The following PARPBP variants were observed in gnomAD, a reference collection of about 807,000 sequenced individuals.
PARPBP encodes the protein PCNA-interacting partner.
A neutral mutation model predicts 50.0 loss-of-function variants in PARPBP; 52 were observed. That is an observed-to-expected ratio of 1.04 (90% CI 0.83 to 1.31). The LOEUF is 1.31. PARPBP is among the 50% of genes most tolerant of loss of function. The probability of loss-of-function intolerance (pLI) is 0.00; values close to 1 mark genes in which losing one functional copy is unlikely to be tolerated. For missense variants in PARPBP, 697 were observed against 672.0 expected (o/e 1.04, Z -0.41); for synonymous variants, 244 against 232.1 (o/e 1.05, Z -0.47).
At chr12:102,131,227 A>C (rs1882804950) in intron 2 of PARPBP, among the ~76,000 whole-genome samples, 2 of 152,186 alleles carry the variant, frequency 1.3e-5, no homozygotes, top group African/African-American at 4.8e-5. Flanking sequence ...TGGGAGGCTG[A>C]GGCATTAGAA....
intron 6 of PARPBP, among the ~76,000 whole-genome samples, chr12:102,171,278 A>C (rs533808838): frequency 1.3e-5 from 2 of 152,216 alleles, no homozygotes; most frequent in East Asian, 3.9e-4. Context: ...AATTATGTGC[A>C]CTATACTATT....
At position 102,173,290 on chromosome 12, in the gene PARPBP, C is replaced by T. The variant is rs1888934773; in HGVS notation, c.822-2193C>T. Among the ~76,000 whole-genome samples the T allele has an allele frequency of 3.9e-5, 6 of 152,212 alleles. No individual in the cohort carries two copies. The South Asian group carries it at 1.2e-3, about 32-fold the overall frequency. On this transcript the variant is annotated intron_variant, in intron 6 of 10. Coordinates refer to ENST00000327680, the MANE Select transcript of PARPBP (RefSeq NM_017915.5). ...TTTGACAAAAGGGTTTCTCTAAAAA[C>T]CTAGTTAATGGTAAAACGTTTTAGT...
At chr12:102,127,273 G>A (rs1371772508) in intron 2 of PARPBP, among the ~76,000 whole-genome samples, 1 of 151,998 alleles carries the variant, frequency 6.6e-6, no homozygotes, top group East Asian at 1.9e-4. Flanking sequence ...GAGTGTGCCT[G>A]TAGTCTCAGC....
In PARPBP at chr12:102,197,283, A is replaced by G; in HGVS notation, c.*992A>G. The G allele has an allele frequency of 3.1e-6, 3 of 981,012 alleles. No individual in the cohort carries two copies. Among genetic ancestry groups the G allele is most frequent in the Middle Eastern group, 4.4e-4 (2 of 4,550 alleles). The allele number at this position is 981,012 out of a possible 1,614,324, so 60.8% of individuals were successfully genotyped here. A position where few individuals can be genotyped will look rare whatever the true frequency, so the allele number is the denominator to read the frequency against. ...TCAAAGTTACTCTGCACTGTTTTTG[A>G]CTTTTTAAAAATACCTTAGATGCAA... is the stretch of plus-strand genomic sequence containing the variant. On this transcript the variant is annotated 3_prime_UTR_variant, in exon 11 of 11. Coordinates refer to ENST00000327680, the MANE Select transcript of PARPBP (RefSeq NM_017915.5).
In PARPBP at chr12:102,120,279, C is replaced by T. The variant is rs909254293; in HGVS notation, c.-11C>T. The stretch of plus-strand genomic sequence containing the variant: ...GAAGAGTACGTCTTCGGGTCTACCC[C>T]TAATCACGTAAGTCTCGCGTCTGCC... On this transcript the variant is annotated 5_prime_UTR_variant, in exon 1 of 11. Transcript: ENST00000327680. 12 of 337,566 alleles carry T rather than the reference C, an allele frequency of 3.6e-5. No homozygotes were observed. The highest frequency in any genetic ancestry group is 1.1e-3 in the Middle Eastern group (1 of 906). The allele number at this position is 337,566 out of a possible 1,614,324, so 20.9% of individuals were successfully genotyped here.
At chr12:102,177,424 T>A (rs1889386680) in intron 7 of PARPBP, among the ~76,000 whole-genome samples, 1 of 152,226 alleles carries the variant, frequency 6.6e-6, no homozygotes, top group Non-Finnish European at 1.5e-5. Context: ...GATATACAAC[T>A]AAGCAGTTGG....
intron 8 of PARPBP, among the ~76,000 whole-genome samples, chr12:102,179,357 A>G (rs1889602539): frequency 6.6e-6 from 1 of 152,244 alleles, no homozygotes; most frequent in South Asian, 2.1e-4. Flanking sequence ...TAATGCTGGT[A>G]TTATGTGTAA....
At chr12:102,188,408 G>GT (rs376293581) in intron 9 of PARPBP, among the ~76,000 whole-genome samples, 52 of 152,216 alleles carry the variant, frequency 3.4e-4, no homozygotes, top group African/African-American at 1.0e-3. Context: ...AAGGCTCGCA[G>GT]TTGAAAGCTT....
At chr12:102,149,350 T>C (rs1366009760) in intron 3 of PARPBP, among the ~76,000 whole-genome samples, 4 of 152,230 alleles carry the variant, frequency 2.6e-5, no homozygotes, top group Admixed American at 1.3e-4. Context: ...CAACCAAGAC[T>C]GATATGATAG....
chr12:102,127,778 G>C (rs960556779), intron 2 of PARPBP, among the ~76,000 whole-genome samples: 11 of 152,118 alleles, frequency 7.2e-5, no homozygotes, highest in African/African-American at 2.7e-4. Context: ...ATAAAACAGA[G>C]CAGTTTGTAT....
chr12:102,144,435 C>T (rs1040062048), intron 2 of PARPBP, among the ~76,000 whole-genome samples: 1 of 152,156 alleles, frequency 6.6e-6, no homozygotes, highest in African/African-American at 2.4e-5. Context: ...ACCACAGACT[C>T]TCTCAATCAG....
chr12:102,125,511 A>G (rs891846902), intron 2 of PARPBP, among the ~76,000 whole-genome samples: 1 of 152,144 alleles, frequency 6.6e-6, no homozygotes, highest in African/African-American at 2.4e-5. Flanking sequence ...ACCGCAGGCA[A>G]AGGGAGGAGC....
chr12:102,144,048 A>G (rs1438381799), intron 2 of PARPBP, among the ~76,000 whole-genome samples: 5 of 152,166 alleles, frequency 3.3e-5, no homozygotes, highest in Non-Finnish European at 7.3e-5. Context: ...ATTACCTATC[A>G]TTTGTCAGGT....
In PARPBP at chr12:102,182,581, C is replaced by T. The variant is rs1046441007; in HGVS notation, c.1217C>T (p.Pro406Leu). 4 of 1,611,630 alleles carry T rather than the reference C, an allele frequency of 2.5e-6. No individual in the cohort carries two copies. The African/African-American group carries it at 4.0e-5, about 16-fold the overall frequency. ...SPTQVNNSIK[P>L]LRERICVSMQ... ...ACACAGGTGAATAATTCGATAAAACCCCTAAGAGAACGCATCTGTGTGTCA... is the reference window on the plus strand; with the variant it reads ...ACACAGGTGAATAATTCGATAAAACTCCTAAGAGAACGCATCTGTGTGTCA... Residue 406 changes from proline (P) to leucine (L), a missense_variant, in exon 9 of 11, where the codon CCC becomes CTC. By Grantham distance (98) the Pro-to-Leu change is moderately conservative. Coordinates refer to ENST00000327680, the MANE Select transcript of PARPBP (RefSeq NM_017915.5).
At chr12:102,155,916 G>T (rs1026012866) in intron 4 of PARPBP, among the ~76,000 whole-genome samples, 2 of 152,140 alleles carry the variant, frequency 1.3e-5, no homozygotes, top group East Asian at 1.9e-4. Flanking sequence ...AAATGCCCAG[G>T]TTCATCCTAA....
chr12:102,191,111 C>T (rs1890749785), intron 9 of PARPBP, among the ~76,000 whole-genome samples: 1 of 152,154 alleles, frequency 6.6e-6, no homozygotes, highest in Non-Finnish European at 1.5e-5. Context: ...TTATATCCCT[C>T]ATCCCAATTA....
At chr12:102,166,100 T>C (rs943754121) in intron 6 of PARPBP, among the ~76,000 whole-genome samples, 4 of 152,182 alleles carry the variant, frequency 2.6e-5, no homozygotes, top group Non-Finnish European at 5.9e-5. Flanking sequence ...GTCACATCCA[T>C]ACTAAATTTG....
intron 2 of PARPBP, among the ~76,000 whole-genome samples, chr12:102,147,695 C>T (rs1228038730): frequency 6.6e-6 from 1 of 151,692 alleles, no homozygotes; most frequent in Non-Finnish European, 1.5e-5. Flanking sequence ...TGCACATGTA[C>T]CCTAAAACTT....
chr12:102,130,836 C>T (rs1441354237), intron 2 of PARPBP, among the ~76,000 whole-genome samples: 1 of 147,480 alleles, frequency 6.8e-6, no homozygotes, highest in East Asian at 2.0e-4. Context: ...GCCCAGGCAA[C>T]AAGAGTGAAA....
Sources: gnomAD v4.1 joint callset for allele counts (sites outside exome capture counted in the v4.1 genomes callset) on GRCh38, gnomAD v4.1.1 for gene constraint, MANE v1.5 for transcripts, NCBI Gene and HGNC (gene_info 2026-07-23, HGNC 2026-07-21) for gene names.